TMEM117: variants seen among roughly 807,000 people sequenced by gnomAD.
The protein encoded by TMEM117 is transmembrane protein 117.
Under a neutral mutation model 52.4 loss-of-function variants are expected in TMEM117, and 27 were observed. The observed-to-expected ratio is 0.51, with a 90% CI of 0.38 to 0.71. TMEM117 has a LOEUF of 0.71. Ranked by LOEUF, TMEM117 falls within the 30% of genes least tolerant of loss-of-function variation. TMEM117 has a pLI of 0.00. For synonymous variants in TMEM117, 215 were observed against 206.3 expected, an observed-to-expected ratio of 1.04 and a Z score of -0.36; for missense variants, 556 against 630.5, an observed-to-expected ratio of 0.88 and a Z score of 1.26.
At chr12:44,278,516 C>T (rs992640454) in intron 5 of TMEM117, among the ~76,000 whole-genome samples, 1 of 152,054 alleles carries the variant, frequency 6.6e-6, no homozygotes, top group Non-Finnish European at 1.5e-5. Flanking sequence ...GTAAGCATGC[C>T]ATACATATAT....
At chr12:44,390,737 G>T (rs565927158), downstream of TMEM117, among the ~76,000 whole-genome samples, 27 of 152,092 alleles carry the variant, frequency 1.8e-4, no homozygotes, top group Non-Finnish European at 3.1e-4. Context: ...GCCTTCTAAG[G>T]CTTCCAACTG....
At chr12:43,976,585 A>G (rs1426206718) in intron 3 of TMEM117, among the ~76,000 whole-genome samples, 1 of 152,180 alleles carries the variant, frequency 6.6e-6, no homozygotes, top group Non-Finnish European at 1.5e-5. Flanking sequence ...CGATTTCTTT[A>G]CATTCCCTTA....
rs372226317 is a variant in TMEM117 at position 44,262,844 on chromosome 12, C to T, written c.609-36736C>T. Among the ~76,000 whole-genome samples, 60 of 152,336 alleles carry T rather than the reference C, an allele frequency of 3.9e-4. No homozygotes were observed. The South Asian group carries it at 0.012, about 31-fold the overall frequency. The stretch of plus-strand genomic sequence containing the variant: ...CTTCGTGATCCACCCGCCTCGGCCT[C>T]CCAAAGTGCTGGGATTACAGGCGTG... On this transcript the variant is annotated intron_variant, in intron 5 of 7. Coordinates refer to ENST00000266534, the MANE Select transcript of TMEM117 (RefSeq NM_032256.3).
At chr12:44,133,483 TTC>T (rs968684481) in intron 3 of TMEM117, among the ~76,000 whole-genome samples, 4 of 152,290 alleles carry the variant, frequency 2.6e-5, no homozygotes, top group African/African-American at 9.6e-5. Flanking sequence ...GTGGCTTTTC[TTC>T]TCTCCTCTCT....
At chr12:44,058,558 T>C (rs956040446) in intron 3 of TMEM117, among the ~76,000 whole-genome samples, 6 of 152,132 alleles carry the variant, frequency 3.9e-5, no homozygotes, top group African/African-American at 1.2e-4. Flanking sequence ...TTAACAAATT[T>C]CATATGCTGA....
intron 5 of TMEM117, among the ~76,000 whole-genome samples, chr12:44,241,182 T>C (rs1395901304): frequency 6.6e-6 from 1 of 151,970 alleles, no homozygotes; most frequent in Non-Finnish European, 1.5e-5. Flanking sequence ...TGTTATACTT[T>C]ATTGGTTTTT....
chr12:44,334,489 C>T (rs1951313559), intron 6 of TMEM117, among the ~76,000 whole-genome samples: 1 of 151,884 alleles, frequency 6.6e-6, no homozygotes, highest in African/African-American at 2.4e-5. Context: ...TCAGGTGAAC[C>T]CTAAGTCTTT....
intron 6 of TMEM117, among the ~76,000 whole-genome samples, chr12:44,354,400 A>G (rs1029086634): frequency 6.6e-6 from 1 of 152,074 alleles, no homozygotes; most frequent in African/African-American, 2.4e-5. Context: ...CTTGATGAAC[A>G]TTGATGCAAA....
intron 6 of TMEM117, among the ~76,000 whole-genome samples, chr12:44,353,785 T>A (rs1305154936): frequency 6.6e-6 from 1 of 152,192 alleles, no homozygotes; most frequent in African/African-American, 2.4e-5. Flanking sequence ...TGTGGGCTCT[T>A]TTTTGGTTCC....
chr12:44,032,508 T>C (rs1449411495), intron 3 of TMEM117, among the ~76,000 whole-genome samples: 3 of 152,230 alleles, frequency 2.0e-5, no homozygotes, highest in Admixed American at 6.5e-5. Flanking sequence ...ATTGGAATCA[T>C]GTAGCAACCC....
intron 6 of TMEM117, among the ~76,000 whole-genome samples, chr12:44,335,623 C>T (rs539688405): frequency 4.3e-4 from 66 of 152,106 alleles, no homozygotes; most frequent in South Asian, 1.2e-3. Context: ...ATGGTAATAA[C>T]TATGTAGTCC....
At chr12:43,867,144 T>C (rs903830020) in intron 2 of TMEM117, among the ~76,000 whole-genome samples, 4 of 152,022 alleles carry the variant, frequency 2.6e-5, no homozygotes, top group African/African-American at 9.7e-5. Context: ...AATTGTAATA[T>C]TGTATGTCAT....
intron 6 of TMEM117, among the ~76,000 whole-genome samples, chr12:44,362,934 C>A (rs1951741675): frequency 6.6e-6 from 1 of 151,830 alleles, no homozygotes. Context: ...CTCACTACAA[C>A]CTCTGCCTCC....
intron 5 of TMEM117, among the ~76,000 whole-genome samples, chr12:44,255,801 C>T (rs970520061): frequency 1.3e-5 from 2 of 151,932 alleles, no homozygotes; most frequent in African/African-American, 2.4e-5. Context: ...TTTCATTTTC[C>T]GCTATACCCT....
chr12:44,362,912 G>A (rs555776832), intron 6 of TMEM117, among the ~76,000 whole-genome samples: 3 of 151,702 alleles, frequency 2.0e-5, no homozygotes, highest in African/African-American at 7.3e-5. Flanking sequence ...GAGTGCAGCG[G>A]TGCGATCTCG....
chr12:44,297,136 T>C (rs1479501557), intron 5 of TMEM117, among the ~76,000 whole-genome samples: 1 of 152,178 alleles, frequency 6.6e-6, no homozygotes, highest in Non-Finnish European at 1.5e-5. Context: ...TTTATAAATA[T>C]TGTACTAGAT....
rs557907992 is a variant in TMEM117 at position 44,196,695 on chromosome 12, C to T, written c.511-14595C>T. On this transcript the variant is annotated intron_variant, in intron 4 of 7. Transcript: ENST00000266534. ...TTTTTACAAAGGTACACATTTAGGT[C>T]GTTGCTTTTAAATTTCTAAGTTTTC... Among the ~76,000 whole-genome samples, 8 of 152,194 alleles carry T rather than the reference C, an allele frequency of 5.3e-5. No individual in the cohort carries two copies. In the South Asian group the frequency reaches 1.0e-3, roughly 20 times the overall value.
chr12:43,799,439 TCAGTGGGG>T, the TMEM117 span: 1 of 1,610,300 alleles, frequency 6.2e-7, no homozygotes, highest in African/African-American at 1.3e-5. Context: ...TCAGCTGCAG[TCAGTGGGG>T]CAGGGGAAGA....
intron 3 of TMEM117, among the ~76,000 whole-genome samples, chr12:44,040,256 A>C (rs963927880): frequency 2.0e-5 from 3 of 152,076 alleles, no homozygotes; most frequent in Non-Finnish European, 4.4e-5. Context: ...ATTATTAGTA[A>C]TTATAAGTTT....
Sources: allele counts gnomAD v4.1 joint callset (sites outside exome capture counted in the v4.1 genomes callset), GRCh38; gene constraint gnomAD v4.1.1; transcripts MANE v1.5; gene names NCBI Gene and HGNC (gene_info 2026-07-23, HGNC 2026-07-21).